Variants in ZFP41 observed in about 807,000 individuals in gnomAD.
ZFP41 encodes ZFP41 zinc finger protein, also known as zinc finger protein 41 homolog.
ZFP41 carries 10 observed loss-of-function variants against 11.6 expected under a neutral mutation model. That is an observed-to-expected ratio of 0.86 (90% confidence interval 0.53 to 1.47). ZFP41 has a LOEUF of 1.47. Ranked by LOEUF, ZFP41 falls within the 40% of genes most tolerant of loss-of-function variation. ZFP41 has a pLI of 0.00. For missense variants in ZFP41, 302 were observed against 264.6 expected (o/e 1.14, Z -0.98); for synonymous variants, 123 against 100.9 (o/e 1.22, Z -1.31).
intron 2 of ZFP41, among the ~76,000 whole-genome samples, chr8:143,251,915 C>G (rs1041206543): frequency 6.6e-6 from 1 of 152,178 alleles, no homozygotes; most frequent in East Asian, 1.9e-4. Context: ...ACATTCCACA[C>G]GCAGAGTGTG....
chr8:143,251,645 T>A (rs1303646307), intron 2 of ZFP41, among the ~76,000 whole-genome samples: 1 of 152,234 alleles, frequency 6.6e-6, no homozygotes, highest in Non-Finnish European at 1.5e-5. Context: ...CTTGGCCTTG[T>A]CCATTGAGCA....
At chr8:143,258,299 G>A (rs532540433) in intron 2 of ZFP41, among the ~76,000 whole-genome samples, 1 of 152,352 alleles carries the variant, frequency 6.6e-6, no homozygotes, top group African/African-American at 2.4e-5. Context: ...CTGTTCTGCA[G>A]ACGTGAGCAG....
chr8:143,259,197 C>T (rs116607743), intron 2 of ZFP41, among the ~76,000 whole-genome samples: 2 of 152,350 alleles, frequency 1.3e-5, no homozygotes, highest in Admixed American at 6.5e-5. Context: ...TCAACCCCTA[C>T]GTGACAGACA....
Position 143,250,281 on chromosome 8 carries a change from G to C in ZFP41, c.438G>C (p.Gly146=). 6.2e-7 allele frequency: 1 copy of C among 1,614,092 alleles called. No homozygotes were observed. Among genetic ancestry groups the C allele is most frequent in the Non-Finnish European group, 8.5e-7 (1 of 1,180,040 alleles). Residue 146 remains glycine (G), a synonymous_variant, in exon 2 of 3, where the codon GGG becomes GGC. Coordinates refer to ENST00000330701, the MANE Select transcript of ZFP41 (RefSeq NM_173832.6). The part of the protein sequence containing the change: ...THTGEKPFKC[G]ECGKAFNCGS... Reference sequence around the variant, plus strand: ...CGGGAGAGAAGCCCTTCAAATGCGGGGAGTGCGGGAAAGCCTTTAACTGCG... The same window carrying C: ...CGGGAGAGAAGCCCTTCAAATGCGGCGAGTGCGGGAAAGCCTTTAACTGCG...
intron 2 of ZFP41, among the ~76,000 whole-genome samples, chr8:143,252,133 TA>T (rs1490859274): frequency 6.6e-6 from 1 of 152,112 alleles, no homozygotes; most frequent in Non-Finnish European, 1.5e-5. Context: ...AACTGGAAAA[TA>T]AAACTCCCGT....
At chr8:143,257,255 G>C (rs1814935750) in intron 2 of ZFP41, among the ~76,000 whole-genome samples, 1 of 152,228 alleles carries the variant, frequency 6.6e-6, no homozygotes, top group Non-Finnish European at 1.5e-5. Context: ...ACTTTGGGAG[G>C]CCAAGGCAGG....
In ZFP41 at chr8:143,250,074, G is replaced by A. The variant is rs1229375159; in HGVS notation, c.231G>A (p.Val77=). 1.2e-6 allele frequency: 2 copies of A among 1,614,072 alleles called. No individual in the cohort carries two copies. Among genetic ancestry groups the A allele is most frequent in the Non-Finnish European group, 1.7e-6 (2 of 1,180,046 alleles). Residue 77 remains valine (V), a synonymous_variant, in exon 2 of 3, where the codon GTG becomes GTA. Transcript: ENST00000330701. ...SFKDDFEGVP[V]FIPFQRKKPY... ...AAGATGACTTTGAGGGGGTTCCCGT[G>A]TTCATTCCTTTTCAGAGGAAGAAAC...
At chr8:143,252,774 G>A (rs972480054) in intron 2 of ZFP41, 6 of 294,022 alleles carry the variant, frequency 2.0e-5, no homozygotes, top group East Asian at 1.7e-4. Flanking sequence ...GCCCACTGCC[G>A]TCAGCATGGG....
Position 143,249,863 on chromosome 8 carries a change from GAAA to G in ZFP41, c.24_26del (p.Lys10del), listed in dbSNP as rs1816763170. On this transcript the variant is annotated inframe_deletion, in exon 2 of 3. Coordinates refer to ENST00000330701, the MANE Select transcript of ZFP41 (RefSeq NM_173832.6). ...AGAATGATGGAGAAGCCTGCAGGCA[GAAA>G]AAAGAAGACGCCGACCCCAAGGGAG... is the stretch of plus-strand genomic sequence containing the variant. The G allele has an allele frequency of 6.3e-7, 1 of 1,598,150 alleles. No homozygotes were observed. The highest frequency in any genetic ancestry group is 8.5e-7 in the Non-Finnish European group (1 of 1,174,848).
chr8:143,252,013 C>T (rs75938953), intron 2 of ZFP41, among the ~76,000 whole-genome samples: 2,432 of 152,278 alleles, frequency 0.016, 71 homozygotes, highest in African/African-American at 0.055. Context: ...CTTGTAGTAT[C>T]GTGGGGAGGC....
intron 2 of ZFP41, among the ~76,000 whole-genome samples, chr8:143,257,220 G>A (rs190500275): frequency 4.8e-4 from 73 of 152,352 alleles, no homozygotes; most frequent in African/African-American, 1.4e-3. Flanking sequence ...GGCCAGGCAC[G>A]GTGGCTCACG....
chr8:143,258,692 G>A (rs889465740), intron 2 of ZFP41, among the ~76,000 whole-genome samples: 19 of 152,228 alleles, frequency 1.2e-4, no homozygotes, highest in African/African-American at 3.6e-4. Context: ...CCTGAACAAC[G>A]CAGCGAGACC....
rs1814724074 is a variant in ZFP41 at position 143,250,723 on chromosome 8, A to T, written c.*283A>T. The T allele has an allele frequency of 3.9e-6, 2 of 508,968 alleles. No individual in the cohort carries two copies. Among genetic ancestry groups the T allele is most frequent in the Non-Finnish European group, 7.2e-6 (2 of 276,926 alleles). 31.5% of individuals were successfully genotyped at this position (508,968 alleles called of 1,614,324 possible). A position where few individuals can be genotyped will look rare whatever the true frequency, so the allele number is the denominator to read the frequency against. On this transcript the variant is annotated 3_prime_UTR_variant, in exon 2 of 3. Coordinates refer to ENST00000330701, the MANE Select transcript of ZFP41 (RefSeq NM_173832.6). ...AGCATTTTCCAAGTTCCCGATGGCG[A>T]ACGGGGCTCAGCACCAGAGACCAGG... is the stretch of plus-strand genomic sequence containing the variant.
chr8:143,255,688 G>C (rs1406967977), intron 2 of ZFP41, among the ~76,000 whole-genome samples: 2 of 130,444 alleles, frequency 1.5e-5, no homozygotes, highest in African/African-American at 6.0e-5. Flanking sequence ...AGTGAGATCA[G>C]GGCTCGCCCC....
intron 2 of ZFP41, among the ~76,000 whole-genome samples, chr8:143,252,192 G>A (rs1305793729): frequency 2.0e-5 from 3 of 152,238 alleles, no homozygotes; most frequent in Non-Finnish European, 4.4e-5. Context: ...CCTCTGGCCT[G>A]GTTAACTTTC....
Position 143,260,068 on chromosome 8 carries a change from C to T in ZFP41, c.*1194C>T, listed in dbSNP as rs1021514758. The T allele has an allele frequency of 6.5e-6, 1 of 153,400 alleles. No homozygotes were observed. The highest frequency in any genetic ancestry group is 2.5e-5 in the African/African-American group (1 of 40,456). The allele number at this position is 153,400 out of a possible 1,614,324, so 9.5% of individuals were successfully genotyped here. A position where few individuals can be genotyped will look rare whatever the true frequency, so the allele number is the denominator to read the frequency against. On this transcript the variant is annotated 3_prime_UTR_variant, in exon 3 of 3. Transcript: ENST00000330701. The stretch of plus-strand genomic sequence containing the variant: ...CAGGGAAGCACCCTGTGAAATCGTG[C>T]AGGGAAGCACCCTGTGAAGTCGTGC...
chr8:143,253,704 C>G (rs1016448146), intron 2 of ZFP41: 1 of 152,266 alleles, frequency 6.6e-6, no homozygotes, highest in Non-Finnish European at 1.5e-5. Context: ...ATGTGATCCC[C>G]AGTGTGGGAA....
chr8:143,252,101 C>T (rs1043009089), intron 2 of ZFP41, among the ~76,000 whole-genome samples: 1 of 152,238 alleles, frequency 6.6e-6, no homozygotes, highest in African/African-American at 2.4e-5. Flanking sequence ...TCCCCTTCCC[C>T]GCAGAAATAG....
chr8:143,261,915 AGCACCTGCCACGCCCG>A lies in ZFP41; in HGVS notation c.*3042_*3057del. On this transcript the variant is annotated 3_prime_UTR_variant, in exon 3 of 3. Coordinates refer to ENST00000330701, the MANE Select transcript of ZFP41 (RefSeq NM_173832.6). ...AGCACCTGCCACGCCCGTCTCCGGC[AGCACCTGCCACGCCCG>A]TCTCCGGCAGCACCTGCCACGCCCG... 1 of 37,262 alleles carries A rather than the reference AGCACCTGCCACGCCCG, an allele frequency of 2.7e-5. No homozygotes were observed. Among genetic ancestry groups the A allele is most frequent in the Admixed American group, 4.4e-4 (1 of 2,256 alleles). 2.3% of individuals were successfully genotyped at this position (37,262 alleles called of 1,614,324 possible).
Sources: allele counts gnomAD v4.1 joint callset (sites outside exome capture counted in the v4.1 genomes callset), GRCh38; gene constraint gnomAD v4.1.1; transcripts MANE v1.5; gene names NCBI Gene and HGNC (gene_info 2026-07-23, HGNC 2026-07-21).